The following AP3B1 variants were observed in gnomAD, a reference collection of about 807,000 sequenced individuals.
AP3B1 encodes the protein AP-3 complex subunit beta-1.
AP3B1 carries 61 observed loss-of-function variants against 132.5 expected under a neutral mutation model. The ratio of observed to expected loss-of-function variants is 0.46; its 90% CI spans 0.37 to 0.57. The LOEUF (loss-of-function observed/expected upper bound fraction) is 0.57. Ranked by LOEUF, AP3B1 falls within the 20% of genes least tolerant of loss-of-function variation. The pLI, the probability that AP3B1 is intolerant of heterozygous loss-of-function variation, is 0.00. For synonymous variants in AP3B1, 388 were observed against 438.3 expected, an observed-to-expected ratio of 0.89 and a Z score of 1.43; for missense variants, 1,120 against 1,289.4, an observed-to-expected ratio of 0.87 and a Z score of 2.01.
chr5:78,208,685 T>G (rs182862216), intron 7 of AP3B1, among the ~76,000 whole-genome samples: 58 of 152,274 alleles, frequency 3.8e-4, no homozygotes, highest in Admixed American at 3.4e-3. Flanking sequence ...GGGGTAGAAC[T>G]GACATTGGGT....
intron 9 of AP3B1, 60 bp downstream of exon 9, chr5:78,177,279 G>C: frequency 1.8e-6 from 2 of 1,128,914 alleles, no homozygotes; most frequent in Non-Finnish European, 2.7e-6. Flanking sequence ...GATTACATTT[G>C]TTCAAACATT....
chr5:78,267,921 A>G (rs1266206466), intron 1 of AP3B1, among the ~76,000 whole-genome samples: 3 of 152,214 alleles, frequency 2.0e-5, no homozygotes, highest in African/African-American at 7.2e-5. Context: ...GAAAAAAATA[A>G]GTAAAAGCTA....
intron 20 of AP3B1, among the ~76,000 whole-genome samples, chr5:78,103,546 GT>G (rs1359378725): frequency 2.0e-5 from 3 of 152,162 alleles, no homozygotes; most frequent in Non-Finnish European, 4.4e-5. Flanking sequence ...CATTGTGTTA[GT>G]ACTTGAGAAG....
At chr5:78,121,601 T>C (rs1395944499) in intron 17 of AP3B1, 1 of 152,104 alleles carries the variant, frequency 6.6e-6, no homozygotes, top group Non-Finnish European at 1.5e-5. Flanking sequence ...CTAGAAGAAA[T>C]GGATAAATTC....
chr5:78,187,832 ATAC>A (rs1744663871), intron 7 of AP3B1, among the ~76,000 whole-genome samples: 1 of 152,246 alleles, frequency 6.6e-6, no homozygotes, highest in Non-Finnish European at 1.5e-5. Context: ...ACTTCAGACT[ATAC>A]TACAAGGCCA....
intron 17 of AP3B1, among the ~76,000 whole-genome samples, chr5:78,117,868 A>T (rs1210638546): frequency 1.3e-5 from 2 of 152,176 alleles, no homozygotes; most frequent in East Asian, 1.9e-4. Context: ...ATGATTTTTT[A>T]AAAAGCAGGG....
At chr5:78,196,362 TG>T (rs1745076062) in intron 7 of AP3B1, among the ~76,000 whole-genome samples, 1 of 152,202 alleles carries the variant, frequency 6.6e-6, no homozygotes, top group African/African-American at 2.4e-5. Flanking sequence ...TCCAGAAACT[TG>T]ATAACTCCGT....
chr5:78,222,840 TAATATTTAACTCTAATTA>T (rs1021254354), intron 6 of AP3B1, among the ~76,000 whole-genome samples: 4 of 152,080 alleles, frequency 2.6e-5, no homozygotes, highest in East Asian at 1.9e-4. Flanking sequence ...AACTCTAAAC[TAATATTTAACTCTAATTA>T]AATATTTAAC....
At chr5:78,262,597 G>A (rs1748140659) in intron 2 of AP3B1, among the ~76,000 whole-genome samples, 1 of 151,884 alleles carries the variant, frequency 6.6e-6, no homozygotes, top group African/African-American at 2.4e-5. Flanking sequence ...TACGTTGTCC[G>A]TCTTTATTCC....
At chr5:78,038,299 C>A (rs916976602) in intron 23 of AP3B1, among the ~76,000 whole-genome samples, 1 of 152,168 alleles carries the variant, frequency 6.6e-6, no homozygotes, top group Non-Finnish European at 1.5e-5. Flanking sequence ...GTGATATCCT[C>A]TAGGCTACTG....
chr5:78,165,490 C>T, intron 12 of AP3B1, 120 bp downstream of exon 12: 1 of 690,094 alleles, frequency 1.4e-6, no homozygotes, highest in Non-Finnish European at 2.5e-6. Context: ...TCTTAGTTGT[C>T]AGTCTTGTCC....
intron 2 of AP3B1, among the ~76,000 whole-genome samples, chr5:78,252,839 C>T (rs1747697375): frequency 6.6e-6 from 1 of 152,214 alleles, no homozygotes; most frequent in African/African-American, 2.4e-5. Context: ...GCCTGGTTGG[C>T]TTTGCTACCT....
At chr5:78,225,075 G>A (rs1194435519) in intron 6 of AP3B1, among the ~76,000 whole-genome samples, 2 of 151,996 alleles carry the variant, frequency 1.3e-5, no homozygotes, top group African/African-American at 4.8e-5. Flanking sequence ...AGCTACACAG[G>A]GCTACTGCCT....
At chr5:78,258,329 T>C (rs537144918) in intron 2 of AP3B1, among the ~76,000 whole-genome samples, 415 of 152,044 alleles carry the variant, frequency 2.7e-3, no homozygotes, top group Non-Finnish European at 3.9e-3. Context: ...AGTCTAATAA[T>C]CTAAAAATGG....
chr5:78,181,651 T>C lies in AP3B1; in HGVS notation c.798A>G (p.Leu266=). The C allele has an allele frequency of 1.9e-6, 3 of 1,612,114 alleles. No homozygotes were observed. The highest frequency in any genetic ancestry group is 2.5e-6 in the Non-Finnish European group (3 of 1,179,430). ...FVSPWKEGDE[L]EDNGKNFYES... ...CGTAGAAATTCTTTCCATTGTCTTC[T>C]AATTCATCACCCTACAATGAAAGAA... Residue 266 remains leucine, a synonymous_variant, in exon 8 of 27, where the codon TTA becomes TTG. Transcript: ENST00000255194.
At chr5:78,044,438 C>T (rs1442028901) in intron 22 of AP3B1, among the ~76,000 whole-genome samples, 1 of 152,126 alleles carries the variant, frequency 6.6e-6, no homozygotes, top group East Asian at 1.9e-4. Flanking sequence ...CATTGTTCCA[C>T]AAACATATTT....
intron 13 of AP3B1, among the ~76,000 whole-genome samples, chr5:78,157,757 T>C (rs944528784): frequency 1.4e-5 from 2 of 144,706 alleles, no homozygotes; most frequent in Admixed American, 7.3e-5. Flanking sequence ...GTCCTATTAC[T>C]CTTTTTTTTT....
chr5:78,212,078 A>G (rs927747655), intron 7 of AP3B1, among the ~76,000 whole-genome samples: 38 of 152,280 alleles, frequency 2.5e-4, no homozygotes, highest in African/African-American at 9.1e-4. Flanking sequence ...TCAGGAGTTC[A>G]ACACCAGCCT....
chr5:78,180,169 A>G (rs1744307450), intron 8 of AP3B1, among the ~76,000 whole-genome samples: 1 of 152,106 alleles, frequency 6.6e-6, no homozygotes, highest in Non-Finnish European at 1.5e-5. Flanking sequence ...ATGACTAGGC[A>G]TGATTACTGA....
Sources: allele counts gnomAD v4.1 joint callset (sites outside exome capture counted in the v4.1 genomes callset), GRCh38; gene constraint gnomAD v4.1.1; transcripts MANE v1.5; gene names NCBI Gene and HGNC (gene_info 2026-07-23, HGNC 2026-07-21).